Variants in EDA observed in about 807,000 individuals in gnomAD.
EDA encodes the protein ectodysplasin A.
EDA carries 2 observed loss-of-function variants against 23.6 expected under a neutral mutation model. The ratio of observed to expected loss-of-function variants is 0.08; its 90% CI spans 0.03 to 0.27. The LOEUF (loss-of-function observed/expected upper bound fraction) is 0.27. Ranked by LOEUF, EDA falls within the 10% of genes least tolerant of loss-of-function variation. The pLI, the probability that EDA is intolerant of heterozygous loss-of-function variation, is 1.00. For missense variants in EDA, 229 were observed against 324.2 expected (o/e 0.71, Z 2.26); for synonymous variants, 131 against 132.0 (o/e 0.99, Z 0.05).
At chrX:69,924,912 T>G (rs2018490028) in intron 1 of EDA, among the ~76,000 whole-genome samples, 1 of 111,377 alleles carries the variant, frequency 9.0e-6, no homozygotes, top group Non-Finnish European at 1.9e-5. Context: ...CTCTTTGTAG[T>G]GATTGTGAAT....
intron 1 of EDA, among the ~76,000 whole-genome samples, chrX:69,733,191 A>G (rs985858279): frequency 6.3e-5 from 7 of 111,151 alleles, no homozygotes; most frequent in African/African-American, 1.6e-4. Flanking sequence ...TATGTCCTGA[A>G]TGGTATTGCC....
At chrX:69,752,782 A>G (rs959760378) in intron 1 of EDA, among the ~76,000 whole-genome samples, 13 of 111,882 alleles carry the variant, frequency 1.2e-4, no homozygotes, top group Non-Finnish European at 2.3e-4. Flanking sequence ...CAGGGATTCA[A>G]CTTCTTCCTG....
intron 1 of EDA, among the ~76,000 whole-genome samples, chrX:69,724,393 T>C (rs2012710938): frequency 8.9e-6 from 1 of 111,900 alleles, no homozygotes; most frequent in African/African-American, 3.2e-5. Flanking sequence ...CTTTGCTTTT[T>C]CTTTTTTTTA....
At chrX:69,692,184 A>G (rs1224904148) in intron 1 of EDA, among the ~76,000 whole-genome samples, 1 of 111,811 alleles carries the variant, frequency 8.9e-6, no homozygotes, top group African/African-American at 3.2e-5. Context: ...AGCTGTTGTA[A>G]CATGTATCTT....
intron 1 of EDA, among the ~76,000 whole-genome samples, chrX:69,693,979 C>T (rs1007633167): frequency 2.7e-5 from 3 of 111,940 alleles, no homozygotes; most frequent in African/African-American, 9.7e-5. Context: ...AATGTACCAC[C>T]TGAAGTTTTT....
chrX:69,705,582 A>G (rs767096862), intron 1 of EDA, among the ~76,000 whole-genome samples: 7 of 112,086 alleles, frequency 6.2e-5, no homozygotes, highest in Admixed American at 9.4e-5. Flanking sequence ...GCCCTAAGCA[A>G]TTTTTAGTTA....
intron 1 of EDA, among the ~76,000 whole-genome samples, chrX:69,798,221 G>A (rs1001327329): frequency 1.8e-5 from 2 of 110,331 alleles, no homozygotes; most frequent in Non-Finnish European, 3.8e-5. Context: ...AATAGTGGGG[G>A]ACCTCAACAT....
intron 1 of EDA, among the ~76,000 whole-genome samples, chrX:69,913,292 A>C (rs762049905): frequency 5.3e-5 from 6 of 112,455 alleles, no homozygotes; most frequent in Non-Finnish European, 9.4e-5. Context: ...CTGATGTTTA[A>C]TGTAGCAACC....
At position 70,037,026 on chromosome X, in the gene EDA, C is replaced by T. The variant is rs1250207436; in HGVS notation, c.*1417C>T. The T allele has an allele frequency of 6.2e-5, 7 of 112,156 alleles. No homozygotes were observed. Among genetic ancestry groups the T allele is most frequent in the African/African-American group, 2.3e-4 (7 of 30,834 alleles). The allele number at this position is 112,156 out of a possible 1,213,427, so 9.2% of individuals were successfully genotyped here. A position where few individuals can be genotyped will look rare whatever the true frequency, so the allele number is the denominator to read the frequency against. ...AATTCACCTTCCCCTAAACCCCAAG[C>T]TTCCCAACAGATCATATGGTAGGAC... On this transcript the variant is annotated 3_prime_UTR_variant, in exon 8 of 8. Transcript: ENST00000374552.
At chrX:69,632,993 A>G (rs1228568472) in intron 1 of EDA, among the ~76,000 whole-genome samples, 1 of 110,510 alleles carries the variant, frequency 9.0e-6, no homozygotes, top group African/African-American at 3.3e-5. Context: ...TCCTAAAACT[A>G]CCCTTTCCTA....
chrX:69,758,662 C>T (rs1369433136), intron 1 of EDA, among the ~76,000 whole-genome samples: 2 of 111,645 alleles, frequency 1.8e-5, no homozygotes, highest in Admixed American at 1.9e-4. Flanking sequence ...TGATGAAACC[C>T]CGTCTGTACT....
At chrX:69,746,219 T>C (rs1351226100) in intron 1 of EDA, among the ~76,000 whole-genome samples, 1 of 111,528 alleles carries the variant, frequency 9.0e-6, no homozygotes, top group African/African-American at 3.3e-5. Context: ...CTCTCCTTTA[T>C]GTGAACACTA....
At chrX:69,915,142 C>T (rs1320320083) in intron 1 of EDA, among the ~76,000 whole-genome samples, 1 of 111,340 alleles carries the variant, frequency 9.0e-6, no homozygotes, top group Non-Finnish European at 1.9e-5. Context: ...GAAATTTTAC[C>T]TTTTCTATCC....
Position 69,723,647 on chromosome X carries a change from T to C in EDA, c.396+106943T>C, listed in dbSNP as rs745525635. Among the ~76,000 whole-genome samples the C allele has an allele frequency of 1.2e-4, 14 of 112,019 alleles. No individual in the cohort carries two copies. The South Asian group carries it at 5.2e-3, about 41-fold the overall frequency. ...GTGTGTTTTTCCTCTGAGTTAAAGT[T>C]GGTAATCTTTTTAATCTTGGTAAAT... On this transcript the variant is annotated intron_variant, in intron 1 of 7. Transcript: ENST00000374552.
chrX:69,896,697 G>A (rs1196965328), intron 1 of EDA, among the ~76,000 whole-genome samples: 1 of 110,711 alleles, frequency 9.0e-6, no homozygotes, highest in Admixed American at 9.7e-5. Context: ...GCAGAGGCAG[G>A]ACTAGAAATC....
chrX:69,710,016 C>T (rs2011913092), intron 1 of EDA, among the ~76,000 whole-genome samples: 2 of 111,853 alleles, frequency 1.8e-5, no homozygotes, highest in Non-Finnish European at 3.8e-5. Flanking sequence ...TCCCATTTGT[C>T]AATTTTGGCT....
At chrX:69,783,284 T>A (rs5936745) in intron 1 of EDA, among the ~76,000 whole-genome samples, 41,478 of 109,803 alleles carry the variant, frequency 0.38, 7,106 homozygotes, top group Middle Eastern at 0.65. Context: ...TTCTTTTTTT[T>A]ATTTTATTTC....
At chrX:69,859,683 G>T (rs2147592652) in intron 1 of EDA, among the ~76,000 whole-genome samples, 1 of 111,765 alleles carries the variant, frequency 8.9e-6, no homozygotes, top group African/African-American at 3.2e-5. Context: ...GTAGTGATGA[G>T]AAGAATGCAT....
intron 1 of EDA, among the ~76,000 whole-genome samples, chrX:69,719,495 A>G (rs2012488071): frequency 9.2e-6 from 1 of 108,129 alleles, no homozygotes; most frequent in Non-Finnish European, 1.9e-5. Flanking sequence ...ATCCCTTACC[A>G]CTCTCTCACC....
Sources: gnomAD v4.1 joint callset for allele counts (sites outside exome capture counted in the v4.1 genomes callset) on GRCh38, gnomAD v4.1.1 for gene constraint, MANE v1.5 for transcripts, NCBI Gene and HGNC (gene_info 2026-07-23, HGNC 2026-07-21) for gene names.